Variants in EMB observed in about 807,000 individuals in gnomAD.
EMB encodes the protein embigin homolog.
In EMB, 31 loss-of-function variants were observed where a neutral mutation model predicts 41.4. The observed-to-expected ratio is 0.75, with a 90% CI of 0.56 to 1.01. EMB has a LOEUF of 1.01. EMB is among the 50% of genes least tolerant of loss of function. EMB has a pLI of 0.00. For synonymous variants in EMB, 137 were observed against 140.4 expected (o/e 0.98, Z 0.17); for missense variants, 379 against 388.3 (o/e 0.98, Z 0.20).
At chr5:50,438,342 G>A (rs7713618) in intron 1 of EMB, among the ~76,000 whole-genome samples, 26 of 152,266 alleles carry the variant, frequency 1.7e-4, no homozygotes, top group African/African-American at 4.8e-4. Context: ...CAGCCTGAGC[G>A]ACAGAGTGAG....
At position 50,430,568 on chromosome 5, in the gene EMB, T is replaced by C. The variant is rs1745703785; in HGVS notation, c.113-2341A>G. Among the ~76,000 whole-genome samples the C allele has an allele frequency of 2.8e-5, 4 of 143,118 alleles. No individual in the cohort carries two copies. The South Asian group carries it at 9.1e-4, about 33-fold the overall frequency. The allele number at this position is 143,118 out of a possible 152,430, so 93.9% of individuals were successfully genotyped here. On this transcript the variant is annotated intron_variant, in intron 1 of 8. Coordinates refer to ENST00000303221, the MANE Select transcript of EMB (RefSeq NM_198449.3). ...CAAACTTGGTCCTTAAAGGGCTATGTGGATCATAATAGTAGGGGTTTGGGT... is the reference window on the plus strand; with the variant it reads ...CAAACTTGGTCCTTAAAGGGCTATGCGGATCATAATAGTAGGGGTTTGGGT...
chr5:50,412,892 T>A (rs1745365746), intron 2 of EMB, among the ~76,000 whole-genome samples: 1 of 148,814 alleles, frequency 6.7e-6, no homozygotes. Context: ...GCTTTTTTTT[T>A]TTTTACACCA....
chr5:50,432,798 G>C (rs1579743969), intron 1 of EMB, among the ~76,000 whole-genome samples: 1 of 150,888 alleles, frequency 6.6e-6, no homozygotes, highest in Non-Finnish European at 1.5e-5. Context: ...AGTTATCAGG[G>C]CCAGGCGCGG....
At chr5:50,432,019 T>C (rs1745728161) in intron 1 of EMB, among the ~76,000 whole-genome samples, 1 of 152,228 alleles carries the variant, frequency 6.6e-6, no homozygotes, top group South Asian at 2.1e-4. Flanking sequence ...GAAATAAACA[T>C]GCTATAATTC....
At chr5:50,412,327 G>A (rs770437469) in intron 2 of EMB, among the ~76,000 whole-genome samples, 1 of 151,686 alleles carries the variant, frequency 6.6e-6, no homozygotes, top group Admixed American at 6.6e-5. Flanking sequence ...AAATTATTTT[G>A]AGCAGAAGGC....
At chr5:50,428,052 A>T (rs1745649334) in intron 2 of EMB, 92 bp downstream of exon 2, 1 of 833,322 alleles carries the variant, frequency 1.2e-6, no homozygotes. Context: ...AGGGATTACC[A>T]CTTCGCAAAG....
intron 7 of EMB, 85 bp from the exon 8 acceptor site, chr5:50,399,998 T>TA: frequency 1.3e-6 from 1 of 792,658 alleles, no homozygotes; most frequent in East Asian, 3.0e-5. Flanking sequence ...GCTATCAGGT[T>TA]AAAATGTAAA....
At chr5:50,407,161 T>C (rs1205089141) in intron 4 of EMB, among the ~76,000 whole-genome samples, 4 of 152,020 alleles carry the variant, frequency 2.6e-5, no homozygotes, top group Non-Finnish European at 2.9e-5. Context: ...CATGTTTCTT[T>C]CTGGCAATTG....
chr5:50,404,156 T>C (rs965602106), intron 5 of EMB, among the ~76,000 whole-genome samples: 3 of 152,006 alleles, frequency 2.0e-5, no homozygotes, highest in African/African-American at 7.2e-5. Context: ...AATTAAATTT[T>C]ATTCCCAAGC....
chr5:50,435,401 C>T (rs1745787970), intron 1 of EMB, among the ~76,000 whole-genome samples: 1 of 152,162 alleles, frequency 6.6e-6, no homozygotes, highest in Non-Finnish European at 1.5e-5. Context: ...CAAAAGGTTC[C>T]AGCTCAGAAT....
chr5:50,427,855 G>T (rs970847436), intron 2 of EMB, among the ~76,000 whole-genome samples: 3 of 152,280 alleles, frequency 2.0e-5, no homozygotes, highest in African/African-American at 7.2e-5. Flanking sequence ...AAGAATTAAT[G>T]AAAACATAAG....
At chr5:50,437,935 T>C (rs1745832536) in intron 1 of EMB, among the ~76,000 whole-genome samples, 1 of 152,212 alleles carries the variant, frequency 6.6e-6, no homozygotes, top group Non-Finnish European at 1.5e-5. Context: ...TGATATATCC[T>C]TTACAAAGAT....
At chr5:50,419,763 A>G (rs1230276132) in intron 2 of EMB, among the ~76,000 whole-genome samples, 4 of 152,196 alleles carry the variant, frequency 2.6e-5, no homozygotes, top group Admixed American at 2.6e-4. Flanking sequence ...ACGACAGCAA[A>G]GACATAGAAT....
intron 1 of EMB, among the ~76,000 whole-genome samples, chr5:50,434,876 T>C (rs1745778938): frequency 6.6e-6 from 1 of 152,238 alleles, no homozygotes; most frequent in African/African-American, 2.4e-5. Flanking sequence ...TTTGTTCTCC[T>C]ACATCAGCAT....
At chr5:50,428,875 ATTTT>A (rs1209936364) in intron 1 of EMB, 3 of 270,970 alleles carry the variant, frequency 1.1e-5, no homozygotes, top group African/African-American at 6.9e-5. Context: ...TACTTTATTT[ATTTT>A]ATTTATTTTT....
chr5:50,416,767 G>A (rs138009458), intron 2 of EMB, among the ~76,000 whole-genome samples: 1 of 152,180 alleles, frequency 6.6e-6, no homozygotes, highest in African/African-American at 2.4e-5. Context: ...CAGAAACAAG[G>A]AAGAGGCAAC....
At chr5:50,431,293 G>C (rs1745716734) in intron 1 of EMB, among the ~76,000 whole-genome samples, 1 of 152,202 alleles carries the variant, frequency 6.6e-6, no homozygotes, top group African/African-American at 2.4e-5. Context: ...GACAGTAAAA[G>C]AAGTTCTTTG....
chr5:50,442,262 A>C (rs1745927356), upstream of EMB, among the ~76,000 whole-genome samples: 3 of 152,202 alleles, frequency 2.0e-5, no homozygotes, highest in South Asian at 6.2e-4. Context: ...GAGCTATTTA[A>C]CAAAACCTGT....
At chr5:50,417,855 C>A (rs527997124) in intron 2 of EMB, among the ~76,000 whole-genome samples, 3 of 152,182 alleles carry the variant, frequency 2.0e-5, no homozygotes, top group Non-Finnish European at 4.4e-5. Flanking sequence ...CAAAATAATT[C>A]ATCAAAGATT....
Sources: allele counts gnomAD v4.1 joint callset (sites outside exome capture counted in the v4.1 genomes callset), GRCh38; gene constraint gnomAD v4.1.1; transcripts MANE v1.5; gene names NCBI Gene and HGNC (gene_info 2026-07-23, HGNC 2026-07-21).